The following ARFGEF1 variants were observed in gnomAD, a reference collection of about 807,000 sequenced individuals.
The protein encoded by ARFGEF1 is ARF guanine nucleotide exchange factor 1.
ARFGEF1 carries 42 observed loss-of-function variants against 231.0 expected under a neutral mutation model. The observed-to-expected ratio is 0.18, with a 90% CI of 0.14 to 0.24. The LOEUF (loss-of-function observed/expected upper bound fraction) is 0.24, where lower values mean the gene tolerates loss of function less well. ARFGEF1 is among the 10% of genes least tolerant of loss of function. ARFGEF1 has a pLI of 1.00. For synonymous variants in ARFGEF1, 710 were observed against 732.3 expected (o/e 0.97, Z 0.49); for missense variants, 1,345 against 2,192.0 (o/e 0.61, Z 7.72).
chr8:67,303,728 A>AAT (rs967792441), intron 1 of ARFGEF1, among the ~76,000 whole-genome samples: 5 of 151,590 alleles, frequency 3.3e-5, no homozygotes, highest in African/African-American at 1.2e-4. Context: ...AAAAAAAAAA[A>AAT]AATAATAATT....
chr8:67,214,061 C>T (rs1314384808), intron 33 of ARFGEF1, among the ~76,000 whole-genome samples: 1 of 152,216 alleles, frequency 6.6e-6, no homozygotes, highest in Non-Finnish European at 1.5e-5. Context: ...TAGGGAAACA[C>T]CTACATTGCC....
intron 7 of ARFGEF1, among the ~76,000 whole-genome samples, chr8:67,282,599 G>A (rs1805581062): frequency 6.6e-6 from 1 of 152,042 alleles, no homozygotes. Context: ...TGTAATCCCA[G>A]CACTTTGGGA....
Position 67,271,931 on chromosome 8 carries a change from T to G in ARFGEF1, c.1343A>C (p.His448Pro). 1 of 1,603,102 alleles carries G rather than the reference T, an allele frequency of 6.2e-7. No homozygotes were observed. The highest frequency in any genetic ancestry group is 1.1e-5 in the South Asian group (1 of 88,824). ...TGAAAGAATCTTGGATCGTAGTTCA[T>G]GAGACCTAAAATGTAAAAAAGAAGG... ...LSDGPPDPKS[H>P]ELRSKILSLQ... The change falls in exon 10 of 39, where the codon CAT (histidine) becomes CCT (proline). Residue 448 changes from histidine (H) to proline (P), a missense_variant. Coordinates refer to ENST00000262215, the MANE Select transcript of ARFGEF1 (RefSeq NM_006421.5).
Position 67,324,903 on chromosome 8 carries a change from G to GA in ARFGEF1, c.124+18260dup, listed in dbSNP as rs1185361550. On this transcript the variant is annotated intron_variant, in intron 1 of 38. Coordinates refer to ENST00000262215, the MANE Select transcript of ARFGEF1 (RefSeq NM_006421.5). Reference sequence around the variant, plus strand: ...TTAGGTTAACCCAAAGAGCCAGAGAGAAAAAAATCCACTTTTTTTTTTTTT... The same window carrying GA: ...TTAGGTTAACCCAAAGAGCCAGAGAGAAAAAAAATCCACTTTTTTTTTTTTT... Among the ~76,000 whole-genome samples, 8 of 142,948 alleles carry GA rather than the reference G, an allele frequency of 5.6e-5. No homozygotes were observed. The East Asian group carries it at 1.4e-3, about 26-fold the overall frequency. 93.8% of individuals were successfully genotyped at this position (142,948 alleles called of 152,430 possible).
intron 1 of ARFGEF1, among the ~76,000 whole-genome samples, chr8:67,318,801 C>T (rs1451860749): frequency 6.6e-6 from 1 of 152,014 alleles, no homozygotes; most frequent in Non-Finnish European, 1.5e-5. Flanking sequence ...ACAGTGAGAC[C>T]GCCATCTCTA....
intron 23 of ARFGEF1, among the ~76,000 whole-genome samples, chr8:67,229,963 A>G (rs561820344): frequency 2.0e-4 from 31 of 152,244 alleles, no homozygotes; most frequent in South Asian, 4.1e-4. Context: ...GTGTTGACAT[A>G]ACGGAGAACA....
At chr8:67,205,409 C>A (rs1247916009) in intron 34 of ARFGEF1, among the ~76,000 whole-genome samples, 1 of 152,140 alleles carries the variant, frequency 6.6e-6, no homozygotes. Context: ...TCAGGGAAGC[C>A]AAAAGACTGG....
At chr8:67,296,653 T>TA in intron 4 of ARFGEF1, 43 bp from the exon 5 acceptor site, 1 of 1,480,492 alleles carries the variant, frequency 6.8e-7, no homozygotes, top group South Asian at 1.3e-5. Flanking sequence ...ATTTTCTTTT[T>TA]CTTTTTTTTT....
At chr8:67,249,887 G>A (rs1003675453) in intron 19 of ARFGEF1, among the ~76,000 whole-genome samples, 1 of 152,244 alleles carries the variant, frequency 6.6e-6, no homozygotes, top group African/African-American at 2.4e-5. Flanking sequence ...CTCCCGAAGT[G>A]CTGGGAATAC....
chr8:67,291,205 GA>G (rs928006458), intron 6 of ARFGEF1, among the ~76,000 whole-genome samples: 6 of 151,724 alleles, frequency 4.0e-5, no homozygotes, highest in African/African-American at 1.5e-4. Flanking sequence ...TAACATTTAG[GA>G]AAAAAATAAC....
chr8:67,193,397 C>T (rs999430952), downstream of ARFGEF1: 6 of 1,442,356 alleles, frequency 4.2e-6, no homozygotes, highest in African/African-American at 1.4e-5. Flanking sequence ...ATGCCTGGCC[C>T]TGATTCACTG....
intron 6 of ARFGEF1, 144 bp from the exon 7 acceptor site, chr8:67,288,209 A>G (rs1237350748): frequency 2.0e-6 from 1 of 488,800 alleles, no homozygotes; most frequent in African/African-American, 2.0e-5. Flanking sequence ...AAGCAATTAT[A>G]TGCTAAACCT....
chr8:67,210,975 C>A (rs1328425520), intron 34 of ARFGEF1, among the ~76,000 whole-genome samples: 2 of 151,090 alleles, frequency 1.3e-5, no homozygotes, highest in Non-Finnish European at 2.9e-5. Flanking sequence ...ATCATTTGAA[C>A]CTGGGAGGTG....
intron 29 of ARFGEF1, among the ~76,000 whole-genome samples, chr8:67,222,227 A>ATGTGTATGTATG (rs1554636859): frequency 1.7e-5 from 2 of 115,156 alleles, no homozygotes; most frequent in African/African-American, 6.9e-5. Context: ...ATATATATGT[A>ATGTGTATGTATG]TATGTATGTA....
At chr8:67,324,977 T>A (rs1807766495) in intron 1 of ARFGEF1, among the ~76,000 whole-genome samples, 1 of 151,448 alleles carries the variant, frequency 6.6e-6, no homozygotes. Flanking sequence ...GCAACGGCGC[T>A]ATCTTGGCTC....
At chr8:67,221,233 A>G (rs1029878946) in intron 29 of ARFGEF1, among the ~76,000 whole-genome samples, 2 of 152,164 alleles carry the variant, frequency 1.3e-5, no homozygotes, top group Non-Finnish European at 2.9e-5. Context: ...TACTCCTTAT[A>G]CTTACAAATT....
intron 1 of ARFGEF1, among the ~76,000 whole-genome samples, chr8:67,337,750 T>A (rs1012127069): frequency 6.6e-6 from 1 of 152,218 alleles, no homozygotes; most frequent in African/African-American, 2.4e-5. Context: ...CTGACAACTC[T>A]AACTAAATCA....
intron 19 of ARFGEF1, among the ~76,000 whole-genome samples, chr8:67,250,067 T>G (rs753617724): frequency 6.6e-6 from 1 of 152,176 alleles, no homozygotes; most frequent in Non-Finnish European, 1.5e-5. Context: ...GAGTGCAGCA[T>G]AGTAAGAAAC....
At chr8:67,299,403 T>C in intron 3 of ARFGEF1, 48 bp from the exon 4 acceptor site, 1 of 1,502,176 alleles carries the variant, frequency 6.7e-7, no homozygotes, top group Non-Finnish European at 9.1e-7. Context: ...TAACAAATAT[T>C]ATACATACTA....
Sources: allele counts gnomAD v4.1 joint callset (sites outside exome capture counted in the v4.1 genomes callset), GRCh38; gene constraint gnomAD v4.1.1; transcripts MANE v1.5; gene names NCBI Gene and HGNC (gene_info 2026-07-23, HGNC 2026-07-21).